The following GK variants were observed in gnomAD, a reference collection of about 807,000 sequenced individuals.
The protein encoded by GK is glycerol kinase, also known as ATP:glycerol 3-phosphotransferase.
In GK, 9 loss-of-function variants were observed where a neutral mutation model predicts 56.4. That is an observed-to-expected ratio of 0.16 (90% CI 0.10 to 0.28). The LOEUF (loss-of-function observed/expected upper bound fraction) is 0.28, where lower values mean the gene tolerates loss of function less well. Ranked by LOEUF, GK falls within the 10% of genes least tolerant of loss-of-function variation. The pLI, the probability that GK is intolerant of heterozygous loss-of-function variation, is 1.00. For synonymous variants in GK, 104 were observed against 144.1 expected, an observed-to-expected ratio of 0.72 and a Z score of 1.99; for missense variants, 161 against 431.4, an observed-to-expected ratio of 0.37 and a Z score of 5.55.
At chrX:30,654,593 G>C (rs1447298284) in intron 1 of GK, among the ~76,000 whole-genome samples, 1 of 110,410 alleles carries the variant, frequency 9.1e-6, no homozygotes, top group Non-Finnish European at 1.9e-5. Flanking sequence ...CGTGGTGGCG[G>C]GCGCCTGTAA....
At position 30,707,583 on chromosome X, in the gene GK, T is replaced by C. The variant is rs1365716429; in HGVS notation, c.879T>C (p.Cys293=). 1 of 1,094,467 alleles carries C rather than the reference T, an allele frequency of 9.1e-7. No individual in the cohort carries two copies. Among genetic ancestry groups the C allele is most frequent in the Admixed American group, 2.2e-5 (1 of 45,598 alleles). 90.2% of individuals were successfully genotyped at this position (1,094,467 alleles called of 1,213,427 possible). ...NTYGTGCFLL[C]NTGHKCVFSD... is the part of the protein sequence containing the mutation. Reference sequence around the variant, plus strand: ...ATGGAACAGGATGTTTCTTACTATGTAATACAGGCCATAAGGTTGGTTTTT... The same window carrying C: ...ATGGAACAGGATGTTTCTTACTATGCAATACAGGCCATAAGGTTGGTTTTT... The change falls in exon 12 of 21, where the codon TGT becomes TGC. Residue 293 remains cysteine, a synonymous_variant. Coordinates refer to ENST00000427190, the MANE Select transcript of GK (RefSeq NM_001205019.2).
In GK at chrX:30,697,636, G is replaced by A. The variant is rs1421154190; in HGVS notation, c.730-96G>A. The A allele has an allele frequency of 6.4e-6, 4 of 621,758 alleles. No homozygotes were observed. In the African/African-American group the frequency reaches 8.8e-5, roughly 14 times the overall value. The allele number at this position is 621,758 out of a possible 1,213,427, so 51.2% of individuals were successfully genotyped here. Reference sequence around the variant, plus strand: ...ACGATGCTTGAGAAATAGTTTCACAGGATGGTTAGAAAAAAAAACGTGGAA... The same window carrying A: ...ACGATGCTTGAGAAATAGTTTCACAAGATGGTTAGAAAAAAAAACGTGGAA... On this transcript the variant is annotated intron_variant, in intron 8 of 20. Transcript: ENST00000427190.
chrX:30,696,285 T>C lies in GK; in HGVS notation c.662+134T>C, dbSNP rs1195733491. 1.4e-5 allele frequency: 7 copies of C among 491,910 alleles called. No individual in the cohort carries two copies. The African/African-American group carries it at 1.7e-4, about 12-fold the overall frequency. The allele number at this position is 491,910 out of a possible 1,213,427, so 40.5% of individuals were successfully genotyped here. On this transcript the variant is annotated intron_variant, in intron 7 of 20. Coordinates refer to ENST00000427190, the MANE Select transcript of GK (RefSeq NM_001205019.2). ...ATTTCAACTACAATATGCAAATCTA[T>C]GTTATGTGTTTTTTAAAGAGAGACT...
chrX:30,665,044 C>T (rs1296103221), intron 1 of GK, among the ~76,000 whole-genome samples: 4 of 109,872 alleles, frequency 3.6e-5, no homozygotes, highest in African/African-American at 1.3e-4. Context: ...CGTAGCCACA[C>T]TTCCCTTCAA....
chrX:30,655,921 G>A (rs909461872), intron 1 of GK, among the ~76,000 whole-genome samples: 2 of 112,047 alleles, frequency 1.8e-5, no homozygotes, highest in African/African-American at 3.2e-5. Flanking sequence ...GTGAGGCCTC[G>A]TCTCATTGCA....
intron 11 of GK, among the ~76,000 whole-genome samples, chrX:30,706,389 G>C (rs369183088): frequency 8.9e-6 from 1 of 112,079 alleles, no homozygotes; most frequent in South Asian, 3.6e-4. Context: ...CCAGCTCCTG[G>C]ACTGAGCACT....
chrX:30,709,029 T>C (rs1352568849), intron 13 of GK, among the ~76,000 whole-genome samples: 3 of 112,005 alleles, frequency 2.7e-5, no homozygotes, highest in African/African-American at 9.7e-5. Context: ...TCCTTTTCTA[T>C]GGATGGAAGC....
intron 13 of GK, among the ~76,000 whole-genome samples, chrX:30,714,905 T>C (rs1016717934): frequency 1.8e-5 from 2 of 112,477 alleles, no homozygotes; most frequent in South Asian, 7.2e-4. Context: ...ATTAATGAAA[T>C]CTGTTACATT....
intron 1 of GK, among the ~76,000 whole-genome samples, chrX:30,665,036 T>C (rs1932980973): frequency 9.0e-6 from 1 of 111,250 alleles, no homozygotes; most frequent in Non-Finnish European, 1.9e-5. Context: ...GCTAGATGCG[T>C]AGCCACACTT....
intron 13 of GK, among the ~76,000 whole-genome samples, chrX:30,712,717 CTTTTTTT>C (rs769269247): frequency 2.7e-4 from 13 of 48,438 alleles, no homozygotes; most frequent in Non-Finnish European, 3.8e-4. Flanking sequence ...TTTTTCTTTT[CTTTTTTT>C]TTTTTTTTTT....
In GK at chrX:30,677,464, T is replaced by C; in HGVS notation, c.337+12T>C. 1 of 943,852 alleles carries C rather than the reference T, an allele frequency of 1.1e-6. No homozygotes were observed. Among genetic ancestry groups the C allele is most frequent in the East Asian group, 3.1e-5 (1 of 32,701 alleles). The allele number at this position is 943,852 out of a possible 1,213,427, so 77.8% of individuals were successfully genotyped here. ...CTACAATGCTGTGGGTAAGCTGTCA[T>C]GCATGGATGTCAAATGTAGGGCCTT... On this transcript the variant is annotated intron_variant, in intron 4 of 20. Transcript: ENST00000427190.
At chrX:30,662,835 T>TCTC (rs1569141144) in intron 1 of GK, among the ~76,000 whole-genome samples, 11 of 31,418 alleles carry the variant, frequency 3.5e-4, no homozygotes, top group Non-Finnish European at 5.3e-4. Context: ...CTCTCTCTCT[T>TCTC]TCTTTCTTTC....
intron 1 of GK, among the ~76,000 whole-genome samples, chrX:30,663,680 TAGA>T (rs749569482): frequency 9.1e-6 from 1 of 110,466 alleles, no homozygotes; most frequent in Non-Finnish European, 1.9e-5. Flanking sequence ...GTGTGTGATA[TAGA>T]AGGAGGAAGG....
chrX:30,685,605 G>A (rs770612435), intron 4 of GK, among the ~76,000 whole-genome samples: 2 of 112,181 alleles, frequency 1.8e-5, no homozygotes, highest in Non-Finnish European at 3.8e-5. Flanking sequence ...AAATACTGCT[G>A]TATTTATTTT....
At chrX:30,679,493 A>G (rs1934159129) in intron 4 of GK, among the ~76,000 whole-genome samples, 1 of 111,647 alleles carries the variant, frequency 9.0e-6, no homozygotes, top group Non-Finnish European at 1.9e-5. Flanking sequence ...AGTTCCAGTT[A>G]TATTCTAAAC....
chrX:30,695,631 A>G (rs1935198214), intron 6 of GK, among the ~76,000 whole-genome samples: 1 of 112,825 alleles, frequency 8.9e-6, no homozygotes, highest in South Asian at 3.6e-4. Context: ...AGCAACAACA[A>G]AAAAAACCAA....
rs372766392 is a variant in GK, at chrX:30,728,616, T to C, written c.1670-116T>C. 92 of 572,060 alleles carry C rather than the reference T, an allele frequency of 1.6e-4. No homozygotes were observed. In the East Asian group the frequency reaches 2.4e-3, roughly 15 times the overall value. The allele number at this position is 572,060 out of a possible 1,213,427, so 47.1% of individuals were successfully genotyped here. A position where few individuals can be genotyped will look rare whatever the true frequency, so the allele number is the denominator to read the frequency against. On this transcript the variant is annotated intron_variant, in intron 20 of 20. Coordinates refer to ENST00000427190, the MANE Select transcript of GK (RefSeq NM_001205019.2). ...GTTGCATTTTAATTGTGAGGCATGA[T>C]TTAGAAATCATATGGACTTTCTAGC...
chrX:30,656,881 CGCTCTGT>C (rs1932329945), intron 1 of GK, among the ~76,000 whole-genome samples: 1 of 112,394 alleles, frequency 8.9e-6, no homozygotes, highest in Admixed American at 9.5e-5. Flanking sequence ...GACAGAATCT[CGCTCTGT>C]AGCCCAGGCT....
intron 1 of GK, among the ~76,000 whole-genome samples, chrX:30,660,981 T>G (rs765939559): frequency 1.3e-4 from 14 of 108,841 alleles, no homozygotes; most frequent in Non-Finnish European, 2.7e-4. Context: ...CCTGGCAAAT[T>G]TTTTGTGTTT....
Sources: gnomAD v4.1 joint callset for allele counts (sites outside exome capture counted in the v4.1 genomes callset) on GRCh38, gnomAD v4.1.1 for gene constraint, MANE v1.5 for transcripts, NCBI Gene and HGNC (gene_info 2026-07-23, HGNC 2026-07-21) for gene names.